The following KLF12 variants were observed in gnomAD, a reference collection of about 807,000 sequenced individuals.
KLF12 encodes Krueppel-like factor 12.
A neutral mutation model predicts 37.8 loss-of-function variants in KLF12; 9 were observed. That is an observed-to-expected ratio of 0.24 (90% CI 0.14 to 0.42). The LOEUF is 0.42. Among genes scored for constraint, KLF12 ranks in the 10% least tolerant of loss-of-function variants. KLF12 has a pLI of 1.00. For synonymous variants in KLF12, 208 were observed against 202.1 expected (o/e 1.03, Z -0.25); for missense variants, 411 against 516.0 (o/e 0.80, Z 1.97).
intron 3 of KLF12, among the ~76,000 whole-genome samples, chr13:73,921,852 A>G (rs1889131877): frequency 6.6e-6 from 1 of 152,164 alleles, no homozygotes. Flanking sequence ...GGATGGAGGA[A>G]GTGTCCTCTT....
intron 2 of KLF12, among the ~76,000 whole-genome samples, chr13:73,963,860 G>C (rs1018970674): frequency 3.9e-5 from 6 of 152,166 alleles, no homozygotes; most frequent in Non-Finnish European, 2.9e-5. Flanking sequence ...GTACAGCTTG[G>C]ATGCTAAAGT....
intron 4 of KLF12, among the ~76,000 whole-genome samples, chr13:73,817,840 C>T (rs1054811833): frequency 2.0e-5 from 3 of 152,198 alleles, no homozygotes; most frequent in Admixed American, 1.3e-4. Context: ...GCATTCTGAA[C>T]ATTTTTGGTC....
At chr13:74,069,298 C>A (rs991227998) in intron 1 of KLF12, among the ~76,000 whole-genome samples, 8 of 152,144 alleles carry the variant, frequency 5.3e-5, no homozygotes, top group African/African-American at 4.8e-5. Flanking sequence ...CTTGACTATG[C>A]ACCGATCCTG....
At position 73,724,830 on chromosome 13, in the gene KLF12, C is replaced by T. The variant is rs544476765; in HGVS notation, c.870-9305G>A. 1.4e-4 allele frequency among the ~76,000 whole-genome samples: 22 copies of T among 152,250 alleles called. No individual in the cohort carries two copies. The South Asian group carries it at 4.2e-3, about 29-fold the overall frequency. ...GAGCTAAACAGTGGGTTTCTTGACCCCTAGAGCTAAGACTTTTCCGCTTTC... is the reference window on the plus strand; with the variant it reads ...GAGCTAAACAGTGGGTTTCTTGACCTCTAGAGCTAAGACTTTTCCGCTTTC... On this transcript the variant is annotated intron_variant, in intron 6 of 7. Transcript: ENST00000377669.
In KLF12 at chr13:73,872,183, T is replaced by C. The variant is rs149246052; in HGVS notation, c.124-25810A>G. On this transcript the variant is annotated intron_variant, in intron 3 of 7. Transcript: ENST00000377669. ...AATGATTTGATTTTTAGTTTGGATTTTTCTGTGTGTCTGGCCATTTGCACT... is the reference window on the plus strand; with the variant it reads ...AATGATTTGATTTTTAGTTTGGATTCTTCTGTGTGTCTGGCCATTTGCACT... Among the ~76,000 whole-genome samples, 984 of 152,300 alleles carry C rather than the reference T, an allele frequency of 6.5e-3. 15 individuals are homozygous for C. The highest frequency in any genetic ancestry group is 6.0e-3 in the South Asian group (29 of 4,828).
chr13:74,211,233 C>T, the KLF12 span, among the ~76,000 whole-genome samples: 14 of 152,246 alleles, frequency 9.2e-5, no homozygotes, highest in East Asian at 9.7e-4. Context: ...AGACCAGTTC[C>T]CTTGGGTCCT....
the KLF12 span, among the ~76,000 whole-genome samples, chr13:74,197,564 T>C: frequency 1.3e-5 from 2 of 152,220 alleles, no homozygotes; most frequent in African/African-American, 4.8e-5. Context: ...TTTATACTAG[T>C]GATACTTTTG....
chr13:74,202,520 T>TA, the KLF12 span, among the ~76,000 whole-genome samples: 1 of 152,096 alleles, frequency 6.6e-6, no homozygotes, highest in African/African-American at 2.4e-5. Flanking sequence ...ATTTTCTTAG[T>TA]AAAAAATGTG....
chr13:73,762,336 C>T (rs1879618978), intron 6 of KLF12, among the ~76,000 whole-genome samples: 1 of 152,150 alleles, frequency 6.6e-6, no homozygotes, highest in South Asian at 2.1e-4. Context: ...CAGATGCTGC[C>T]TCTCGTAACA....
At chr13:74,298,541 T>TA in the KLF12 span, among the ~76,000 whole-genome samples, 4 of 152,198 alleles carry the variant, frequency 2.6e-5, no homozygotes, top group Non-Finnish European at 5.9e-5. Flanking sequence ...GTAGTGTTTA[T>TA]ATTAATATAC....
At chr13:74,078,010 T>C (rs991017993) in intron 1 of KLF12, among the ~76,000 whole-genome samples, 10 of 152,216 alleles carry the variant, frequency 6.6e-5, no homozygotes, top group Non-Finnish European at 1.2e-4. Context: ...ATCTGCCTTT[T>C]AGACCAAGGA....
chr13:73,729,407 A>T (rs1462662926), intron 6 of KLF12, among the ~76,000 whole-genome samples: 1 of 152,232 alleles, frequency 6.6e-6, no homozygotes, highest in Non-Finnish European at 1.5e-5. Flanking sequence ...TGGCTTCTAT[A>T]GCACCAAACA....
intron 1 of KLF12, among the ~76,000 whole-genome samples, chr13:74,120,410 A>G (rs1170770457): frequency 2.6e-5 from 4 of 152,180 alleles, no homozygotes; most frequent in Non-Finnish European, 5.9e-5. Flanking sequence ...AACTCAGGAG[A>G]CAGAGGTTGC....
chr13:73,987,265 C>T (rs922810486), intron 2 of KLF12, among the ~76,000 whole-genome samples: 6 of 151,988 alleles, frequency 3.9e-5, no homozygotes, highest in African/African-American at 9.7e-5. Context: ...CTAACATCAG[C>T]TTAAGAGAAG....
At chr13:74,135,206 C>T (rs1375272032), upstream of KLF12, among the ~76,000 whole-genome samples, 1 of 152,026 alleles carries the variant, frequency 6.6e-6, no homozygotes, top group Non-Finnish European at 1.5e-5. Context: ...AGATGCGCGC[C>T]TGGCCTCGCC....
the KLF12 span, among the ~76,000 whole-genome samples, chr13:74,247,618 T>C: frequency 6.6e-6 from 1 of 152,166 alleles, no homozygotes; most frequent in Non-Finnish European, 1.5e-5. Context: ...TGTCAAGTTA[T>C]CTTTTTTTAG....
At chr13:73,882,741 C>A (rs1332568541) in intron 3 of KLF12, among the ~76,000 whole-genome samples, 1 of 152,148 alleles carries the variant, frequency 6.6e-6, no homozygotes, top group Non-Finnish European at 1.5e-5. Context: ...GTTTTGATAT[C>A]ATCTTAAAAA....
the KLF12 span, among the ~76,000 whole-genome samples, chr13:74,253,019 CT>C: frequency 1.1e-5 from 1 of 88,660 alleles, no homozygotes; most frequent in Non-Finnish European, 2.0e-5. Flanking sequence ...ATCTATCTAT[CT>C]ATCTGTCTGT....
At chr13:74,239,832 T>A in the KLF12 span, among the ~76,000 whole-genome samples, 1 of 152,046 alleles carries the variant, frequency 6.6e-6, no homozygotes, top group African/African-American at 2.4e-5. Context: ...TGAGCCTATG[T>A]GTGTCTCTGC....
Sources: gnomAD v4.1 joint callset for allele counts (sites outside exome capture counted in the v4.1 genomes callset) on GRCh38, gnomAD v4.1.1 for gene constraint, MANE v1.5 for transcripts, NCBI Gene and HGNC (gene_info 2026-07-23, HGNC 2026-07-21) for gene names.